The following RAP1GDS1 variants were observed in gnomAD, a reference collection of about 807,000 sequenced individuals.
RAP1GDS1 encodes Rap1 GTPase-GDP dissociation stimulator 1, also known as RAP1, GTP-GDP dissociation stimulator 1.
In RAP1GDS1, 35 loss-of-function variants were observed where a neutral mutation model predicts 71.1. The observed-to-expected ratio is 0.49, with a 90% CI of 0.38 to 0.65. The LOEUF (loss-of-function observed/expected upper bound fraction) is 0.65, where lower values mean the gene tolerates loss of function less well. RAP1GDS1 is among the 30% of genes least tolerant of loss of function. RAP1GDS1 has a pLI of 0.00. For synonymous variants in RAP1GDS1, 229 were observed against 243.1 expected (o/e 0.94, Z 0.54); for missense variants, 663 against 706.1 (o/e 0.94, Z 0.69).
At chr4:98,288,627 A>G (rs887930765) in intron 1 of RAP1GDS1, among the ~76,000 whole-genome samples, 3 of 152,166 alleles carry the variant, frequency 2.0e-5, no homozygotes, top group African/African-American at 7.2e-5. Flanking sequence ...ACAATGGTTG[A>G]ACTGGTTTAC....
intron 1 of RAP1GDS1, among the ~76,000 whole-genome samples, chr4:98,285,258 A>T (rs1488333831): frequency 6.6e-6 from 1 of 152,202 alleles, no homozygotes; most frequent in Non-Finnish European, 1.5e-5. Context: ...TAGCCTAAAA[A>T]GACATTTGCC....
chr4:98,407,468 TACACAC>T (rs568505447), intron 7 of RAP1GDS1, among the ~76,000 whole-genome samples: 9 of 149,050 alleles, frequency 6.0e-5, no homozygotes, highest in African/African-American at 7.3e-5. Context: ...GGGGTGTGTA[TACACAC>T]ACACACACAC....
Position 98,392,019 on chromosome 4 carries a change from C to T in RAP1GDS1, c.576C>T (p.His192=). The change falls in exon 6 of 15, where the codon CAC becomes CAT. Residue 192 remains histidine, a synonymous_variant. Coordinates refer to ENST00000408927, the MANE Select transcript of RAP1GDS1 (RefSeq NM_001100427.2). The stretch of plus-strand genomic sequence containing the variant: ...CCTTAGTGAAATTACTGGGCATCCA[C>T]TGCCAAAATGCAGCTCTTACAGAAA... The part of the protein sequence containing the change: ...IPTLVKLLGI[H]CQNAALTEMC... The T allele has an allele frequency of 1.9e-6, 3 of 1,612,358 alleles. No individual in the cohort carries two copies. The highest frequency in any genetic ancestry group is 2.5e-6 in the Non-Finnish European group (3 of 1,178,876).
chr4:98,398,581 G>A (rs1039650467), intron 6 of RAP1GDS1, among the ~76,000 whole-genome samples: 1 of 152,082 alleles, frequency 6.6e-6, no homozygotes, highest in African/African-American at 2.4e-5. Context: ...AAAATTTTTA[G>A]GGAAGCCAGA....
rs976843199 is a variant in RAP1GDS1 at position 98,337,709 on chromosome 4, T to TAATG, written c.113-5428_113-5425dup. On this transcript the variant is annotated intron_variant, in intron 2 of 14. Transcript: ENST00000408927. ...CCTTTTAATGAGGACAGTGTGAGTC[T>TAATG]AATGAGTAGGAATTAGCTAAAATGG... Among the ~76,000 whole-genome samples the TAATG allele has an allele frequency of 1.6e-4, 24 of 152,154 alleles. No homozygotes were observed. The East Asian group carries it at 1.9e-3, about 12-fold the overall frequency.
chr4:98,390,674 C>T (rs1743477348), intron 5 of RAP1GDS1, among the ~76,000 whole-genome samples: 1 of 152,068 alleles, frequency 6.6e-6, no homozygotes, highest in Admixed American at 6.6e-5. Context: ...TGTGAGATAG[C>T]TCAACTCTGT....
intron 12 of RAP1GDS1, among the ~76,000 whole-genome samples, chr4:98,427,724 A>G (rs1749808468): frequency 6.6e-6 from 1 of 152,162 alleles, no homozygotes; most frequent in Admixed American, 6.5e-5. Context: ...GATGACACAA[A>G]TGAAAACACA....
chr4:98,365,265 C>G (rs752663514), intron 4 of RAP1GDS1, among the ~76,000 whole-genome samples: 1 of 152,044 alleles, frequency 6.6e-6, no homozygotes, highest in Non-Finnish European at 1.5e-5. Flanking sequence ...TTCAAGTTTG[C>G]AGACAAGTAT....
At position 98,316,409 on chromosome 4, in the gene RAP1GDS1, A is replaced by G. The variant is rs934525865; in HGVS notation, c.112+22894A>G. Among the ~76,000 whole-genome samples, 64 of 152,316 alleles carry G rather than the reference A, an allele frequency of 4.2e-4. 1 individual carries two copies. The highest frequency in any genetic ancestry group is 1.4e-3 in the African/African-American group (60 of 41,574). On this transcript the variant is annotated intron_variant, in intron 2 of 14. Coordinates refer to ENST00000408927, the MANE Select transcript of RAP1GDS1 (RefSeq NM_001100427.2). ...ATAGGGTAGTTCTACCTATGATGAT[A>G]GGCCTTGGGTGTCATATTGTGGTGG... is the stretch of plus-strand genomic sequence containing the variant.
chr4:98,400,458 A>C (rs1745217512), intron 6 of RAP1GDS1, among the ~76,000 whole-genome samples: 1 of 152,014 alleles, frequency 6.6e-6, no homozygotes, highest in African/African-American at 2.4e-5. Context: ...AAGTGAAATA[A>C]ACCAGGAATA....
At chr4:98,357,012 A>G (rs1431249699) in intron 4 of RAP1GDS1, among the ~76,000 whole-genome samples, 1 of 151,974 alleles carries the variant, frequency 6.6e-6, no homozygotes, top group Admixed American at 6.6e-5. Flanking sequence ...TCTTACTGCA[A>G]ATACTGAAAA....
At chr4:98,376,446 G>A (rs1014616269) in intron 4 of RAP1GDS1, among the ~76,000 whole-genome samples, 3 of 151,984 alleles carry the variant, frequency 2.0e-5, no homozygotes, top group Non-Finnish European at 4.4e-5. Flanking sequence ...GATAGCTGTT[G>A]TATTTAAAAT....
At chr4:98,393,149 TTACG>T (rs1743980140) in intron 6 of RAP1GDS1, among the ~76,000 whole-genome samples, 3 of 152,222 alleles carry the variant, frequency 2.0e-5, no homozygotes. Flanking sequence ...ATCAATTCTG[TTACG>T]TACCACATTC....
chr4:98,361,917 G>T (rs1738805419), intron 4 of RAP1GDS1, among the ~76,000 whole-genome samples: 2 of 151,994 alleles, frequency 1.3e-5, no homozygotes, highest in Non-Finnish European at 2.9e-5. Flanking sequence ...TCATTTTTGT[G>T]ATTTTACTTA....
chr4:98,388,298 A>T (rs1743069200), intron 5 of RAP1GDS1, among the ~76,000 whole-genome samples: 1 of 152,212 alleles, frequency 6.6e-6, no homozygotes, highest in South Asian at 2.1e-4. Flanking sequence ...CTCTGAAAAT[A>T]TCAGAGTGCC....
At position 98,283,890 on chromosome 4, in the gene RAP1GDS1, C is replaced by T. The variant is rs1051227218; in HGVS notation, c.5-9518C>T. 3.4e-5 allele frequency among the ~76,000 whole-genome samples: 5 copies of T among 147,758 alleles called. 1 individual carries two copies. The South Asian group carries it at 6.4e-4, about 19-fold the overall frequency. ...GTTGTTACCTAGTACAACTAGCTAA[C>T]GTGTTTGGATTATAAATTCATTTTG... is the stretch of plus-strand genomic sequence containing the variant. On this transcript the variant is annotated intron_variant, in intron 1 of 14. Transcript: ENST00000408927.
At chr4:98,343,056 C>G in intron 2 of RAP1GDS1, 83 bp from the exon 3 acceptor site, 1 of 1,393,766 alleles carries the variant, frequency 7.2e-7, no homozygotes, top group Non-Finnish European at 9.6e-7. Context: ...GGGAAAAATT[C>G]TTGAAGAATT....
intron 7 of RAP1GDS1, among the ~76,000 whole-genome samples, chr4:98,408,490 T>TA (rs1746500925): frequency 6.6e-6 from 1 of 152,122 alleles, no homozygotes; most frequent in African/African-American, 2.4e-5. Context: ...TGAGTAATCT[T>TA]ACCTTAAGAA....
At chr4:98,379,733 A>G (rs745469506) in intron 5 of RAP1GDS1, among the ~76,000 whole-genome samples, 9 of 151,910 alleles carry the variant, frequency 5.9e-5, no homozygotes, top group Non-Finnish European at 1.2e-4. Flanking sequence ...CAGATAGCCT[A>G]TATGGTTAAT....
Sources: allele counts gnomAD v4.1 joint callset (sites outside exome capture counted in the v4.1 genomes callset), GRCh38; gene constraint gnomAD v4.1.1; transcripts MANE v1.5; gene names NCBI Gene and HGNC (gene_info 2026-07-23, HGNC 2026-07-21).